KLF12: variants seen among roughly 807,000 people sequenced by gnomAD.
KLF12 encodes Krueppel-like factor 12.
KLF12 carries 9 observed loss-of-function variants against 37.8 expected under a neutral mutation model. That is an observed-to-expected ratio of 0.24 (90% CI 0.14 to 0.42). The LOEUF is 0.42. Among genes scored for constraint, KLF12 ranks in the 10% least tolerant of loss-of-function variants. KLF12 has a pLI of 1.00. For missense variants in KLF12, 411 were observed against 516.0 expected (o/e 0.80, Z 1.97); for synonymous variants, 208 against 202.1 (o/e 1.03, Z -0.25).
chr13:74,047,091 C>T (rs892333858), intron 1 of KLF12, among the ~76,000 whole-genome samples: 2 of 152,012 alleles, frequency 1.3e-5, no homozygotes, highest in Admixed American at 6.6e-5. Context: ...ATTTATCTTC[C>T]GAGAATCCTC....
At chr13:73,869,185 T>C (rs982000884) in intron 3 of KLF12, among the ~76,000 whole-genome samples, 1 of 152,164 alleles carries the variant, frequency 6.6e-6, no homozygotes, top group Admixed American at 6.5e-5. Flanking sequence ...GCAGGTAAAC[T>C]TTAATTCATT....
chr13:73,866,075 G>A (rs1320513945), intron 3 of KLF12, among the ~76,000 whole-genome samples: 3 of 152,138 alleles, frequency 2.0e-5, no homozygotes, highest in Non-Finnish European at 4.4e-5. Context: ...GGCCAACAGG[G>A]CGAAACTCCA....
At chr13:73,890,609 T>TG (rs1887458208) in intron 3 of KLF12, among the ~76,000 whole-genome samples, 1 of 152,096 alleles carries the variant, frequency 6.6e-6, no homozygotes, top group Non-Finnish European at 1.5e-5. Flanking sequence ...GCAAGGCCAT[T>TG]GGTTTAGACC....
chr13:74,142,874 A>G, the KLF12 span, among the ~76,000 whole-genome samples: 1 of 152,326 alleles, frequency 6.6e-6, no homozygotes, highest in East Asian at 1.9e-4. Flanking sequence ...TTTGGTATGC[A>G]TCTCTCTTAA....
intron 1 of KLF12, among the ~76,000 whole-genome samples, chr13:74,051,234 C>T (rs1872899347): frequency 6.6e-6 from 1 of 152,114 alleles, no homozygotes; most frequent in South Asian, 2.1e-4. Flanking sequence ...ATTATCTGCA[C>T]TCCCATGTTT....
chr13:73,762,771 C>A (rs568885021), intron 6 of KLF12, among the ~76,000 whole-genome samples: 26 of 152,166 alleles, frequency 1.7e-4, no homozygotes, highest in Admixed American at 1.5e-3. Flanking sequence ...ATTTTCAGGG[C>A]CAATATTTCA....
At chr13:74,136,519 A>AAAT (rs1330956359), upstream of KLF12, among the ~76,000 whole-genome samples, 1 of 152,204 alleles carries the variant, frequency 6.6e-6, no homozygotes, top group African/African-American at 2.4e-5. Flanking sequence ...ATGCTGTAAG[A>AAAT]AATTATGTCA....
chr13:73,890,811 A>G (rs1338877335), intron 3 of KLF12, among the ~76,000 whole-genome samples: 1 of 152,060 alleles, frequency 6.6e-6, no homozygotes, highest in East Asian at 1.9e-4. Context: ...GAAACGACCA[A>G]CCCACTCTTG....
Position 73,904,469 on chromosome 13 carries a change from C to CTTTTTTTTTTTTTTTTTTTTTTTTTTT in KLF12, c.123+39511_123+39512insAAAAAAAAAAAAAAAAAAAAAAAAAAA. ...CAGTTTCTCATGTTTTCTTTCTTTC[C>CTTTTTTTTTTTTTTTTTTTTTTTTTTT]TTTTTTTTTTTTTTTTTTTTTTTAC... On this transcript the variant is annotated intron_variant, in intron 3 of 7. Coordinates refer to ENST00000377669, the MANE Select transcript of KLF12 (RefSeq NM_007249.5). Among the ~76,000 whole-genome samples, 4 of 92,030 alleles carry CTTTTTTTTTTTTTTTTTTTTTTTTTTT rather than the reference C, an allele frequency of 4.3e-5. 2 individuals carry two copies. Among genetic ancestry groups the CTTTTTTTTTTTTTTTTTTTTTTTTTTT allele is most frequent in the Non-Finnish European group, 8.3e-5 (4 of 48,338 alleles). 60.4% of individuals were successfully genotyped at this position (92,030 alleles called of 152,430 possible).
At chr13:74,247,525 G>A in the KLF12 span, among the ~76,000 whole-genome samples, 1 of 152,144 alleles carries the variant, frequency 6.6e-6, no homozygotes, top group African/African-American at 2.4e-5. Context: ...TCTTATCTCC[G>A]ACAGGATACC....
chr13:74,286,267 G>C, the KLF12 span, among the ~76,000 whole-genome samples: 1 of 152,130 alleles, frequency 6.6e-6, no homozygotes, highest in African/African-American at 2.4e-5. Flanking sequence ...GAAAAGTACA[G>C]ATAAAAGTAC....
At chr13:74,185,275 C>T in the KLF12 span, among the ~76,000 whole-genome samples, 1 of 152,260 alleles carries the variant, frequency 6.6e-6, no homozygotes, top group East Asian at 1.9e-4. Context: ...TCTCTCCTAT[C>T]CCCAAATGGT....
chr13:73,699,624 G>A (rs1874401734), intron 7 of KLF12, among the ~76,000 whole-genome samples: 1 of 152,120 alleles, frequency 6.6e-6, no homozygotes, highest in Non-Finnish European at 1.5e-5. Flanking sequence ...CTCACCTCCA[G>A]CTCCTTTAAA....
At chr13:73,853,922 AG>A (rs1445258095) in intron 3 of KLF12, among the ~76,000 whole-genome samples, 3 of 152,210 alleles carry the variant, frequency 2.0e-5, no homozygotes, top group Non-Finnish European at 4.4e-5. Context: ...ATGGTGCTCA[AG>A]ATGTTTTGAA....
Position 73,734,256 on chromosome 13 carries a change from C to T in KLF12, c.870-18731G>A, listed in dbSNP as rs147594752. On this transcript the variant is annotated intron_variant, in intron 6 of 7. Coordinates refer to ENST00000377669, the MANE Select transcript of KLF12 (RefSeq NM_007249.5). ...CTAGCACCCAATCTAGATAGCCTCT[C>T]CTGACCCCTGCACCACAGCTTCTCA... Among the ~76,000 whole-genome samples the T allele has an allele frequency of 3.3e-3, 508 of 152,230 alleles. 2 individuals are homozygous for T. Among genetic ancestry groups the T allele is most frequent in the African/African-American group, 0.012 (493 of 41,534 alleles).
At chr13:73,920,794 T>C (rs925802240) in intron 3 of KLF12, among the ~76,000 whole-genome samples, 1 of 152,176 alleles carries the variant, frequency 6.6e-6, no homozygotes, top group African/African-American at 2.4e-5. Context: ...CCCCAAAGTA[T>C]GGCTCTTTGA....
chr13:74,201,926 T>C, the KLF12 span, among the ~76,000 whole-genome samples: 2 of 152,178 alleles, frequency 1.3e-5, no homozygotes, highest in African/African-American at 4.8e-5. Flanking sequence ...GGCCCTGTGT[T>C]TCCTTATCTG....
chr13:74,258,983 T>TC, the KLF12 span: 1 of 152,178 alleles, frequency 6.6e-6, no homozygotes, highest in Non-Finnish European at 1.5e-5. Context: ...CCCAGAGTTG[T>TC]CCCCCTCTGC....
chr13:73,987,504 G>T (rs1429796410), intron 2 of KLF12, among the ~76,000 whole-genome samples: 2 of 151,804 alleles, frequency 1.3e-5, no homozygotes, highest in Non-Finnish European at 2.9e-5. Context: ...CTTTGGTAAG[G>T]TACTCTAAAT....
Sources: gnomAD v4.1 joint callset for allele counts (sites outside exome capture counted in the v4.1 genomes callset) on GRCh38, gnomAD v4.1.1 for gene constraint, MANE v1.5 for transcripts, NCBI Gene and HGNC (gene_info 2026-07-23, HGNC 2026-07-21) for gene names.